XPA: variants seen among roughly 807,000 people sequenced by gnomAD.
XPA encodes XPA, DNA damage recognition and repair factor.
In XPA, 27 loss-of-function variants were observed where a neutral mutation model predicts 35.7. That is an observed-to-expected ratio of 0.76 (90% CI 0.56 to 1.04). The LOEUF (loss-of-function observed/expected upper bound fraction) is 1.04, where lower values mean the gene tolerates loss of function less well. Ranked by LOEUF, XPA falls within the 50% of genes least tolerant of loss-of-function variation. The pLI is 0.00. For synonymous variants in XPA, 133 were observed against 118.4 expected, an observed-to-expected ratio of 1.12 and a Z score of -0.80; for missense variants, 354 against 342.7, an observed-to-expected ratio of 1.03 and a Z score of -0.26.
At chr9:97,685,854 G>A (rs1828701588) in intron 4 of XPA, among the ~76,000 whole-genome samples, 1 of 152,184 alleles carries the variant, frequency 6.6e-6, no homozygotes, top group Non-Finnish European at 1.5e-5. Flanking sequence ...AGAAGAATTG[G>A]ACTCTGAATG....
At chr9:97,671,502 G>GA (rs557037821), downstream of XPA, 52 of 272,114 alleles carry the variant, frequency 1.9e-4, no homozygotes, top group African/African-American at 1.1e-3. Flanking sequence ...TGAGGTATGT[G>GA]AAACACTAGA....
chr9:97,669,391 T>C, the XPA span, among the ~76,000 whole-genome samples: 1 of 152,230 alleles, frequency 6.6e-6, no homozygotes, highest in East Asian at 1.9e-4. Context: ...AAGGTCTTTA[T>C]GTATTGCCAG....
intron 5 of XPA, among the ~76,000 whole-genome samples, chr9:97,681,858 G>C (rs1828552421): frequency 6.6e-6 from 1 of 152,182 alleles, no homozygotes; most frequent in African/African-American, 2.4e-5. Context: ...AAGAGAGGAA[G>C]GACTGGTGTA....
At chr9:97,685,799 A>G (rs181706484) in intron 4 of XPA, among the ~76,000 whole-genome samples, 5 of 152,324 alleles carry the variant, frequency 3.3e-5, no homozygotes, top group Admixed American at 2.6e-4. Flanking sequence ...TGCATCACCA[A>G]TGCACTTAAT....
intron 3 of XPA, among the ~76,000 whole-genome samples, chr9:97,688,658 G>A (rs1438978083): frequency 6.6e-6 from 1 of 152,182 alleles, no homozygotes; most frequent in South Asian, 2.1e-4. Flanking sequence ...TGGGAAATGA[G>A]TTTGTAATCT....
chr9:97,659,118 T>C, the XPA span, among the ~76,000 whole-genome samples: 1 of 152,274 alleles, frequency 6.6e-6, no homozygotes, highest in South Asian at 2.1e-4. Flanking sequence ...TGTGGCAGTA[T>C]GCCTTTAAAA....
chr9:97,668,782 T>A, the XPA span: 1 of 1,546,150 alleles, frequency 6.5e-7, no homozygotes, highest in African/African-American at 1.4e-5. Context: ...ATGCTTCCCC[T>A]GGAGGAGATT....
the XPA span, chr9:97,669,593 C>T: frequency 7.5e-6 from 12 of 1,594,760 alleles, no homozygotes; most frequent in South Asian, 1.1e-5. Context: ...CCCTTTCCAG[C>T]GGTTTATCAT....
At chr9:97,659,880 C>G in the XPA span, among the ~76,000 whole-genome samples, 1 of 152,216 alleles carries the variant, frequency 6.6e-6, no homozygotes, top group African/African-American at 2.4e-5. Context: ...CTTCTCCCCA[C>G]ATGGACCTCT....
At chr9:97,688,324 T>C (rs1344050693) in intron 3 of XPA, among the ~76,000 whole-genome samples, 4 of 151,862 alleles carry the variant, frequency 2.6e-5, no homozygotes, top group African/African-American at 9.7e-5. Context: ...GCTTCTCACA[T>C]TGCATCACTC....
the XPA span, among the ~76,000 whole-genome samples, chr9:97,664,059 A>T: frequency 6.6e-6 from 1 of 151,834 alleles, no homozygotes; most frequent in Non-Finnish European, 1.5e-5. Flanking sequence ...CACACCTGTA[A>T]TCTGAGCTGC....
At chr9:97,677,609 T>C (rs942388702) in intron 5 of XPA, among the ~76,000 whole-genome samples, 10 of 152,112 alleles carry the variant, frequency 6.6e-5, no homozygotes, top group African/African-American at 1.2e-4. Flanking sequence ...AGTGGGAGGA[T>C]TGCTTAAGCC....
chr9:97,682,295 T>A lies in XPA; in HGVS notation c.673+2628A>T. Reference sequence around the variant, plus strand: ...TCCAATTTCTTTTCAACTAAAATACTTTTAGACTTGCTTTTATTCCTCTCT... The same window carrying A: ...TCCAATTTCTTTTCAACTAAAATACATTTAGACTTGCTTTTATTCCTCTCT... On this transcript the variant is annotated intron_variant, in intron 5 of 5. Coordinates refer to ENST00000375128, the MANE Select transcript of XPA (RefSeq NM_000380.4). 2 of 518,862 alleles carry A rather than the reference T, an allele frequency of 3.9e-6. 1 individual carries two copies. Among genetic ancestry groups the A allele is most frequent in the Middle Eastern group, 6.4e-4 (2 of 3,142 alleles). 32.1% of individuals were successfully genotyped at this position (518,862 alleles called of 1,614,324 possible). A position where few individuals can be genotyped will look rare whatever the true frequency, so the allele number is the denominator to read the frequency against.
chr9:97,655,606 G>A, the XPA span: 34,137 of 915,292 alleles, frequency 0.037, 4,868 homozygotes, highest in African/African-American at 0.37. Flanking sequence ...ACTCTGTAAA[G>A]TCGGGTTTTA....
At chr9:97,674,809 C>T, downstream of XPA, 1 of 386,066 alleles carries the variant, frequency 2.6e-6, no homozygotes, top group Non-Finnish European at 5.0e-6. Flanking sequence ...GATAGTCAAC[C>T]ATGAAAACAG....
chr9:97,671,798 A>G (rs1203818743), downstream of XPA: 1 of 152,198 alleles, frequency 6.6e-6, no homozygotes, highest in African/African-American at 2.4e-5. Flanking sequence ...GTAGCTCTCA[A>G]ATTTGTCTTA....
chr9:97,672,834 A>C (rs1828232176), downstream of XPA: 1 of 155,592 alleles, frequency 6.4e-6, no homozygotes, highest in African/African-American at 2.4e-5. Flanking sequence ...GCTTCATAAG[A>C]ATATAGCATA....
At chr9:97,658,446 G>C in the XPA span, among the ~76,000 whole-genome samples, 1 of 152,236 alleles carries the variant, frequency 6.6e-6, no homozygotes, top group East Asian at 1.9e-4. Flanking sequence ...GTGCAAGCCA[G>C]TGAGTTTTGC....
chr9:97,692,411 G>A (rs889762284), intron 2 of XPA, among the ~76,000 whole-genome samples: 1 of 152,012 alleles, frequency 6.6e-6, no homozygotes, highest in African/African-American at 2.4e-5. Context: ...CAAACTTTAA[G>A]AAAACAAACA....
Sources: allele counts gnomAD v4.1 joint callset (sites outside exome capture counted in the v4.1 genomes callset), GRCh38; gene constraint gnomAD v4.1.1; transcripts MANE v1.5; gene names NCBI Gene and HGNC (gene_info 2026-07-23, HGNC 2026-07-21).